ATG3: variants seen among roughly 807,000 people sequenced by gnomAD.
The protein encoded by ATG3 is ubiquitin-like-conjugating enzyme ATG3.
A neutral mutation model predicts 50.7 loss-of-function variants in ATG3; 25 were observed. The observed-to-expected ratio is 0.49, with a 90% CI of 0.36 to 0.69. The LOEUF (loss-of-function observed/expected upper bound fraction) is 0.69, where lower values mean the gene tolerates loss of function less well. Ranked by LOEUF, ATG3 falls within the 30% of genes least tolerant of loss-of-function variation. ATG3 has a pLI of 0.00. For missense variants in ATG3, 281 were observed against 376.0 expected (o/e 0.75, Z 2.09); for synonymous variants, 119 against 125.5 (o/e 0.95, Z 0.34).
intron 6 of ATG3, among the ~76,000 whole-genome samples, chr3:112,543,545 A>G (rs1933289279): frequency 6.6e-6 from 1 of 152,108 alleles, no homozygotes; most frequent in Non-Finnish European, 1.5e-5. Context: ...TCAAAAACAA[A>G]TAAACCCCAA....
At chr3:112,539,100 C>T (rs1046255878) in intron 7 of ATG3, among the ~76,000 whole-genome samples, 11 of 152,142 alleles carry the variant, frequency 7.2e-5, no homozygotes, top group Admixed American at 2.6e-4. Context: ...ACCAATGTTA[C>T]GACCCTAGCC....
rs760008866 is a variant in ATG3 at position 112,541,864 on chromosome 3, A to G, written c.414T>C (p.Asp138=). 6 of 1,611,814 alleles carry G rather than the reference A, an allele frequency of 3.7e-6. No homozygotes were observed. The highest frequency in any genetic ancestry group is 5.1e-6 in the Non-Finnish European group (6 of 1,179,262). Residue 138 remains aspartate, a synonymous_variant, in exon 7 of 12, where the codon GAT becomes GAC. Coordinates refer to ENST00000283290, the MANE Select transcript of ATG3 (RefSeq NM_022488.5). ...LENKDNIRLQ[D]CSALCEEEED... is the part of the protein sequence containing the mutation. ...CTTCCTCTTCACATAGTGCTGAGCA[A>G]TCTTGAAGCCTTATATTGTCCTTTG... is the stretch of plus-strand genomic sequence containing the variant.
At chr3:112,559,558 T>G (rs898306556) in intron 1 of ATG3, among the ~76,000 whole-genome samples, 1 of 152,094 alleles carries the variant, frequency 6.6e-6, no homozygotes, top group Non-Finnish European at 1.5e-5. Context: ...TGGGGAGAGA[T>G]GGCCATTTAA....
Position 112,532,689 on chromosome 3 carries a change from G to A in ATG3, c.*10C>T, listed in dbSNP as rs1559840430. 1 of 1,545,832 alleles carries A rather than the reference G, an allele frequency of 6.5e-7. No individual in the cohort carries two copies. The highest frequency in any genetic ancestry group is 2.3e-5 in the East Asian group (1 of 43,134). On this transcript the variant is annotated 3_prime_UTR_variant, in exon 12 of 12. Transcript: ENST00000283290. ...AACCAATAATTAGGATAGATTTTATGCTCTCTTCATTACATTGTGAAGTGT... is the reference window on the plus strand; with the variant it reads ...AACCAATAATTAGGATAGATTTTATACTCTCTTCATTACATTGTGAAGTGT...
chr3:112,551,834 C>G (rs963230906), intron 3 of ATG3, among the ~76,000 whole-genome samples: 6 of 151,866 alleles, frequency 4.0e-5, no homozygotes, highest in Non-Finnish European at 8.8e-5. Context: ...AAAAAAACCA[C>G]CTTTATTAAA....
At chr3:112,558,753 T>TA (rs1222994220) in intron 1 of ATG3, among the ~76,000 whole-genome samples, 3 of 151,812 alleles carry the variant, frequency 2.0e-5, no homozygotes, top group Non-Finnish European at 4.4e-5. Context: ...TTTTTTTTTT[T>TA]AAGATGGAGT....
chr3:112,541,156 G>A (rs974005045), intron 7 of ATG3, among the ~76,000 whole-genome samples: 2 of 152,110 alleles, frequency 1.3e-5, no homozygotes, highest in South Asian at 2.1e-4. Flanking sequence ...TGGGGAGGCC[G>A]AGGTGGGCGA....
intron 4 of ATG3, among the ~76,000 whole-genome samples, chr3:112,549,960 A>G (rs1376350557): frequency 1.3e-5 from 2 of 152,200 alleles, no homozygotes; most frequent in Non-Finnish European, 2.9e-5. Flanking sequence ...TTAAAATCAA[A>G]TACCTAGAAA....
At position 112,534,211 on chromosome 3, in the gene ATG3, C is replaced by CAA. The variant is rs35560667; in HGVS notation, c.863+56_863+57dup. The CAA allele has an allele frequency of 8.8e-3, 10,497 of 1,190,394 alleles. 5 individuals carry two copies. Among genetic ancestry groups the CAA allele is most frequent in the South Asian group, 0.016 (1,038 of 63,220 alleles). The allele number at this position is 1,190,394 out of a possible 1,614,324, so 73.7% of individuals were successfully genotyped here. On this transcript the variant is annotated intron_variant, in intron 11 of 11. Transcript: ENST00000283290. Reference sequence around the variant, plus strand: ...ATCATTAAGGTTACACTAAATTTCTCAAAAAAAAAATCGTTAACAGCCATT... The same window carrying CAA: ...ATCATTAAGGTTACACTAAATTTCTCAAAAAAAAAAAATCGTTAACAGCCATT...
intron 4 of ATG3, among the ~76,000 whole-genome samples, chr3:112,549,415 T>C (rs905343054): frequency 6.6e-6 from 1 of 152,204 alleles, no homozygotes; most frequent in Non-Finnish European, 1.5e-5. Flanking sequence ...TTTCCTATAA[T>C]GAGTAAATTG....
At chr3:112,544,499 CA>C (rs1933318308) in intron 5 of ATG3, among the ~76,000 whole-genome samples, 1 of 151,654 alleles carries the variant, frequency 6.6e-6, no homozygotes, top group Admixed American at 6.6e-5. Context: ...ACTAAAAATA[CA>C]AAAGTTAGCT....
chr3:112,553,699 T>C (rs1933588603), intron 2 of ATG3, among the ~76,000 whole-genome samples: 1 of 152,146 alleles, frequency 6.6e-6, no homozygotes, highest in Non-Finnish European at 1.5e-5. Context: ...GATACAAAAA[T>C]GTAGACACAT....
intron 7 of ATG3, among the ~76,000 whole-genome samples, chr3:112,540,320 A>G (rs183973316): frequency 3.3e-5 from 5 of 152,332 alleles, no homozygotes; most frequent in Admixed American, 3.3e-4. Context: ...ATGGTGTTTC[A>G]ACTCTACTTG....
chr3:112,545,279 A>C (rs1249053732), intron 5 of ATG3, among the ~76,000 whole-genome samples: 1 of 152,232 alleles, frequency 6.6e-6, no homozygotes, highest in Admixed American at 6.5e-5. Context: ...TACTTGTCTC[A>C]AAGAAAGCCT....
intron 5 of ATG3, among the ~76,000 whole-genome samples, chr3:112,546,992 A>G (rs928732993): frequency 2.0e-5 from 3 of 152,236 alleles, no homozygotes; most frequent in African/African-American, 7.2e-5. Context: ...ATAACTCCAT[A>G]AGGAAAGAGA....
Position 112,532,520 on chromosome 3 carries a change from C to T in ATG3, c.*179G>A, listed in dbSNP as rs2082563452. The T allele has an allele frequency of 2.5e-5, 10 of 406,500 alleles. No individual in the cohort carries two copies. The highest frequency in any genetic ancestry group is 7.6e-5 in the South Asian group (1 of 13,074). 25.2% of individuals were successfully genotyped at this position (406,500 alleles called of 1,614,324 possible). Reference sequence around the variant, plus strand: ...AGACACAAGAAAAACTCTCTTTGCACTGATTTTTATTAAACAAGTAAGGCT... The same window carrying T: ...AGACACAAGAAAAACTCTCTTTGCATTGATTTTTATTAAACAAGTAAGGCT... On this transcript the variant is annotated 3_prime_UTR_variant, in exon 12 of 12. Transcript: ENST00000283290.
intron 10 of ATG3, chr3:112,535,134 G>T (rs1365429040): frequency 6.6e-6 from 1 of 152,062 alleles, no homozygotes; most frequent in African/African-American, 2.4e-5. Context: ...CCAAGAAAAA[G>T]ATAATTTTTA....
At chr3:112,533,022 A>G in intron 11 of ATG3, 1 of 1,136,810 alleles carries the variant, frequency 8.8e-7, no homozygotes, top group Non-Finnish European at 1.1e-6. Context: ...AGGTGTTCAT[A>G]TAAGCACAAT....
rs1291038231 is a variant in ATG3, at chr3:112,558,305, T to C, written c.114+71A>G. 5 of 1,130,614 alleles carry C rather than the reference T, an allele frequency of 4.4e-6. No individual in the cohort carries two copies. The African/African-American group carries it at 4.8e-5, about 11-fold the overall frequency. The allele number at this position is 1,130,614 out of a possible 1,614,324, so 70.0% of individuals were successfully genotyped here. On this transcript the variant is annotated intron_variant, in intron 2 of 11. Coordinates refer to ENST00000283290, the MANE Select transcript of ATG3 (RefSeq NM_022488.5). ...AATTAAAGTTCAAGATGTTTTCTTATGAAGCAGAAAAGCCACCTAGTTTAG... is the reference window on the plus strand; with the variant it reads ...AATTAAAGTTCAAGATGTTTTCTTACGAAGCAGAAAAGCCACCTAGTTTAG...
Sources: gnomAD v4.1 joint callset for allele counts (sites outside exome capture counted in the v4.1 genomes callset) on GRCh38, gnomAD v4.1.1 for gene constraint, MANE v1.5 for transcripts, NCBI Gene and HGNC (gene_info 2026-07-23, HGNC 2026-07-21) for gene names.